The following ERI2 variants were observed in gnomAD, a reference collection of about 807,000 sequenced individuals.
ERI2 encodes ERI1 exoribonuclease 2.
ERI2 carries 35 observed loss-of-function variants against 46.8 expected under a neutral mutation model. That is an observed-to-expected ratio of 0.75 (90% CI 0.57 to 0.99). ERI2 has a LOEUF of 0.99. Among genes scored for constraint, ERI2 ranks in the 50% least tolerant of loss-of-function variants. ERI2 has a pLI of 0.00. For missense variants in ERI2, 695 were observed against 796.2 expected (o/e 0.87, Z 1.53); for synonymous variants, 224 against 271.0 (o/e 0.83, Z 1.70).
intron 1 of ERI2, among the ~76,000 whole-genome samples, chr16:20,804,785 C>T (rs2080835909): frequency 6.6e-6 from 1 of 152,190 alleles, no homozygotes; most frequent in African/African-American, 2.4e-5. Context: ...GCAGACACCT[C>T]CTGTAGTTTT....
In ERI2 at chr16:20,799,047, G is replaced by C. The variant is rs2080767294; in HGVS notation, c.753C>G (p.Phe251Leu). The change falls in exon 9 of 9, where the codon TTC (phenylalanine) becomes TTG (leucine). Residue 251 changes from phenylalanine to leucine, a missense_variant. Transcript: ENST00000357967. ...SLNKVPTKKN[F>L]SILARNLNTI... ...TATTCAAATTTCTGGCCAGAATGCT[G>C]AAATTCTTCTTAGTGGGAACCTATG... 6.6e-7 allele frequency: 1 copy of C among 1,511,978 alleles called. No individual in the cohort carries two copies. Among genetic ancestry groups the C allele is most frequent in the Admixed American group, 2.4e-5 (1 of 41,298 alleles). The allele number at this position is 1,511,978 out of a possible 1,614,324, so 93.7% of individuals were successfully genotyped here. A position where few individuals can be genotyped will look rare whatever the true frequency, so the allele number is the denominator to read the frequency against.
intron 10 of ERI2, chr16:20,783,441 A>C (rs756616169): frequency 2.0e-5 from 3 of 152,146 alleles, no homozygotes; most frequent in Non-Finnish European, 4.4e-5. Flanking sequence ...CTAATCCAAA[A>C]ACATGAAACC....
chr16:20,796,652 A>G lies in ERI2; in HGVS notation c.*1072T>C. 1.3e-6 allele frequency: 2 copies of G among 1,483,702 alleles called. No homozygotes were observed. Among genetic ancestry groups the G allele is most frequent in the South Asian group, 2.7e-5 (2 of 72,878 alleles). The allele number at this position is 1,483,702 out of a possible 1,614,324, so 91.9% of individuals were successfully genotyped here. On this transcript the variant is annotated 3_prime_UTR_variant, in exon 9 of 9. Transcript: ENST00000357967. ...AATCAGAATCTTTGAGATTAAAATGAAACCCTGAACCTATTTTGTTTGGTC... is the reference window on the plus strand; with the variant it reads ...AATCAGAATCTTTGAGATTAAAATGGAACCCTGAACCTATTTTGTTTGGTC...
chr16:20,786,393 C>T lies in ERI2; in HGVS notation c.894+3086G>A, dbSNP rs1257359445. ...TTCTAAGCATTTAATAAACGTTAACCCATTAGGCTGGATGCAGTGGCTCAC... is the reference window on the plus strand; with the variant it reads ...TTCTAAGCATTTAATAAACGTTAACTCATTAGGCTGGATGCAGTGGCTCAC... On this transcript the variant is annotated intron_variant, in intron 10 of 10. Coordinates refer to the ERI2 transcript ENST00000300005. 8.3e-6 allele frequency: 7 copies of T among 840,726 alleles called. No individual in the cohort carries two copies. In the African/African-American group the frequency reaches 1.1e-4, roughly 13 times the overall value. The allele number at this position is 840,726 out of a possible 1,614,324, so 52.1% of individuals were successfully genotyped here.
intron 8 of ERI2, chr16:20,791,056 CG>C: frequency 1.1e-6 from 1 of 939,932 alleles, no homozygotes; most frequent in South Asian, 1.7e-5. Flanking sequence ...ACAGGGGATG[CG>C]GGGGTGGTGG....
At chr16:20,787,336 A>G (rs542770107) in intron 10 of ERI2, among the ~76,000 whole-genome samples, 2 of 152,324 alleles carry the variant, frequency 1.3e-5, no homozygotes, top group Admixed American at 1.3e-4. Flanking sequence ...AAAGTTGGGA[A>G]ATAGTAAGTT....
chr16:20,791,020 C>G, intron 8 of ERI2: 1 of 1,410,088 alleles, frequency 7.1e-7, no homozygotes, highest in Non-Finnish European at 9.8e-7. Flanking sequence ...AGTTAGTGCT[C>G]TTTCTTTTCG....
intron 10 of ERI2, among the ~76,000 whole-genome samples, chr16:20,787,649 T>C (rs1184065693): frequency 6.6e-6 from 1 of 152,242 alleles, no homozygotes; most frequent in African/African-American, 2.4e-5. Context: ...GCTGTAACTC[T>C]TTATAGAATA....
intron 1 of ERI2, among the ~76,000 whole-genome samples, chr16:20,805,380 G>A (rs2080849782): frequency 6.7e-6 from 1 of 150,350 alleles, no homozygotes; most frequent in South Asian, 2.1e-4. Context: ...AGCCGAGATC[G>A]CACCACTGCA....
chr16:20,789,308 C>T (rs924085198), intron 10 of ERI2, among the ~76,000 whole-genome samples: 1 of 152,160 alleles, frequency 6.6e-6, no homozygotes, highest in Non-Finnish European at 1.5e-5. Context: ...CATAAAAATT[C>T]TAACCACATA....
rs1247902776 is a variant in ERI2 at position 20,797,219 on chromosome 16, A to AT, written c.*504dup. The AT allele has an allele frequency of 8.3e-7, 1 of 1,207,978 alleles. No homozygotes were observed. Among genetic ancestry groups the AT allele is most frequent in the African/African-American group, 1.6e-5 (1 of 62,318 alleles). The allele number at this position is 1,207,978 out of a possible 1,614,324, so 74.8% of individuals were successfully genotyped here. A position where few individuals can be genotyped will look rare whatever the true frequency, so the allele number is the denominator to read the frequency against. On this transcript the variant is annotated 3_prime_UTR_variant, in exon 9 of 9. Coordinates refer to ENST00000357967, the MANE Select transcript of ERI2 (RefSeq NM_001142725.2). ...AAATAATACCATCAATTGCTGATTA[A>AT]TTTTTAAATGTATAGTATAGAAGCA...
downstream of ERI2, chr16:20,792,761 C>T: frequency 3.1e-6 from 3 of 968,472 alleles, no homozygotes; most frequent in Non-Finnish European, 3.7e-6. Flanking sequence ...GAACCAGAGG[C>T]TGGAACTGAG....
intron 10 of ERI2, among the ~76,000 whole-genome samples, chr16:20,788,173 A>T (rs747191777): frequency 2.0e-4 from 31 of 152,174 alleles, no homozygotes; most frequent in Non-Finnish European, 3.8e-4. Flanking sequence ...GGAGAGCCCA[A>T]ACAGGCTTAA....
At chr16:20,783,359 G>C (rs1187550155) in intron 10 of ERI2, 1 of 152,172 alleles carries the variant, frequency 6.6e-6, no homozygotes, top group Non-Finnish European at 1.5e-5. Flanking sequence ...CAAAATGCTT[G>C]AGACCAGAAG....
intron 8 of ERI2, chr16:20,791,057 G>A (rs1016531574): frequency 7.8e-6 from 7 of 902,638 alleles, no homozygotes; most frequent in Non-Finnish European, 1.2e-5. Context: ...CAGGGGATGC[G>A]GGGGTGGTGG....
Position 20,790,876 on chromosome 16 carries a change from C to T in ERI2, c.789G>A (p.Gln263=). ...CAAATTCTTGCTGAAGAAAAGCATG[C>T]TGGTCCCCTGAGGCCAGATCACTGT... The change falls in exon 9 of 11, where the codon CAG becomes CAA. Residue 263 remains glutamine, a synonymous_variant. Coordinates refer to the ERI2 transcript ENST00000300005. The surrounding 1 kb of genome is among the most constrained non-coding windows in gnomAD (Gnocchi z 4.0). 2 of 1,614,020 alleles carry T rather than the reference C, an allele frequency of 1.2e-6. No homozygotes were observed. The highest frequency in any genetic ancestry group is 1.7e-6 in the Non-Finnish European group (2 of 1,179,956).
downstream of ERI2, among the ~76,000 whole-genome samples, chr16:20,795,459 T>C (rs1226076370): frequency 6.6e-6 from 1 of 152,220 alleles, no homozygotes; most frequent in Non-Finnish European, 1.5e-5. Flanking sequence ...TGGTAATTTG[T>C]TGTTTCAAAT....
chr16:20,791,893 A>G, downstream of ERI2: 2 of 1,319,674 alleles, frequency 1.5e-6, no homozygotes, highest in Non-Finnish European at 2.1e-6. Flanking sequence ...GTACTACTGC[A>G]CTCCAGCCTG....
intron 5 of ERI2, 188 bp downstream of exon 5, chr16:20,801,014 AG>A: frequency 4.6e-6 from 2 of 431,768 alleles, no homozygotes; most frequent in Non-Finnish European, 7.9e-6. Context: ...GTATCCCAAA[AG>A]GTTAATTTAA....
Sources: gnomAD v4.1 joint callset for allele counts (sites outside exome capture counted in the v4.1 genomes callset) on GRCh38, gnomAD v4.1.1 for gene constraint, Gnocchi (gnomAD v3.1) non-coding constraint, MANE v1.5 for transcripts, NCBI Gene and HGNC (gene_info 2026-07-23, HGNC 2026-07-21) for gene names.